The following SGSM1 variants were observed in gnomAD, a reference collection of about 807,000 sequenced individuals.
SGSM1 encodes the protein small G protein signaling modulator 1, also known as RUN and TBC1 domain containing 2.
SGSM1 carries 73 observed loss-of-function variants against 133.8 expected under a neutral mutation model. The observed-to-expected ratio is 0.55, with a 90% CI of 0.45 to 0.66. The LOEUF is 0.66. Among genes scored for constraint, SGSM1 ranks in the 30% least tolerant of loss-of-function variants. The pLI is 0.00. For missense variants in SGSM1, 1,213 were observed against 1,448.1 expected, an observed-to-expected ratio of 0.84 and a Z score of 2.64; for synonymous variants, 563 against 573.0, an observed-to-expected ratio of 0.98 and a Z score of 0.25.
At chr22:24,829,580 C>T (rs375543042) in intron 2 of SGSM1, among the ~76,000 whole-genome samples, 218 of 152,286 alleles carry the variant, frequency 1.4e-3, no homozygotes, top group African/African-American at 4.7e-3. Context: ...CTTAATCATT[C>T]GGTTCAAAAC....
At chr22:24,898,993 T>C (rs184468129) in intron 19 of SGSM1, among the ~76,000 whole-genome samples, 107 of 123,808 alleles carry the variant, frequency 8.6e-4, no homozygotes, top group Middle Eastern at 8.3e-3. Context: ...CACCACTGCA[T>C]TCCAGCCTGG....
intron 9 of SGSM1, among the ~76,000 whole-genome samples, 162 bp downstream of exon 9, chr22:24,860,002 G>A (rs553157928): frequency 6.6e-6 from 1 of 152,252 alleles, no homozygotes; most frequent in African/African-American, 2.4e-5. Flanking sequence ...CGCAGCTGTG[G>A]CCTCCCAGGA....
intron 2 of SGSM1, among the ~76,000 whole-genome samples, chr22:24,829,542 AG>A (rs1242188503): frequency 6.6e-6 from 1 of 152,226 alleles, no homozygotes; most frequent in Non-Finnish European, 1.5e-5. Context: ...TTTCTTTAAA[AG>A]CACATGTTCA....
chr22:24,902,029 C>A, intron 20 of SGSM1, 72 bp downstream of exon 20: 1 of 1,440,638 alleles, frequency 6.9e-7, no homozygotes, highest in South Asian at 1.3e-5. Context: ...GTAGGGGGCC[C>A]GCCTAGAAGT....
intron 15 of SGSM1, among the ~76,000 whole-genome samples, chr22:24,884,602 G>GA (rs1569162498): frequency 6.6e-6 from 1 of 152,144 alleles, no homozygotes; most frequent in African/African-American, 2.4e-5. Flanking sequence ...ACTAAAAATA[G>GA]AAAAATTAGC....
At chr22:24,808,585 A>C (rs977155575) in intron 2 of SGSM1, among the ~76,000 whole-genome samples, 1 of 152,116 alleles carries the variant, frequency 6.6e-6, no homozygotes, top group South Asian at 2.1e-4. Context: ...TTTTTAAGGC[A>C]ATGGTTGGTT....
chr22:24,874,514 G>A (rs1170498450), intron 12 of SGSM1: 1 of 1,612,890 alleles, frequency 6.2e-7, no homozygotes, highest in African/African-American at 1.3e-5. Flanking sequence ...GCCAGAGGGA[G>A]TCAGTGGGAG....
At chr22:24,907,336 C>T (rs1475876767) in intron 21 of SGSM1, among the ~76,000 whole-genome samples, 1 of 151,764 alleles carries the variant, frequency 6.6e-6, no homozygotes, top group Non-Finnish European at 1.5e-5. Context: ...GTAAACTTAA[C>T]AGAAATGCAA....
chr22:24,917,151 G>A lies in SGSM1; in HGVS notation c.2929-507G>A, dbSNP rs928957703. Reference sequence around the variant, plus strand: ...CAAGTGATCCTCTTGCCTTGGCCTCGCAAAGTGCTGAGCCACCACACCTGA... The same window carrying A: ...CAAGTGATCCTCTTGCCTTGGCCTCACAAAGTGCTGAGCCACCACACCTGA... On this transcript the variant is annotated intron_variant, in intron 22 of 24. Transcript: ENST00000400358. 3.4e-5 allele frequency among the ~76,000 whole-genome samples: 5 copies of A among 148,998 alleles called. No homozygotes were observed. The East Asian group carries it at 5.9e-4, about 18-fold the overall frequency.
chr22:24,810,094 G>T lies in SGSM1; in HGVS notation c.63+3610G>T, dbSNP rs114665562. ...AGAAAGGTGCAGATGCGGAGAAGGCGGAACATGTGGTCTTATCCCAAAAGC... is the reference window on the plus strand; with the variant it reads ...AGAAAGGTGCAGATGCGGAGAAGGCTGAACATGTGGTCTTATCCCAAAAGC... On this transcript the variant is annotated intron_variant, in intron 2 of 24. Transcript: ENST00000400358. Among the ~76,000 whole-genome samples, 539 of 152,256 alleles carry T rather than the reference G, an allele frequency of 3.5e-3. 3 individuals carry two copies. The highest frequency in any genetic ancestry group is 0.012 in the African/African-American group (486 of 41,552).
chr22:24,891,510 C>A (rs1932813735), intron 16 of SGSM1, among the ~76,000 whole-genome samples: 2 of 152,130 alleles, frequency 1.3e-5, no homozygotes, highest in Non-Finnish European at 2.9e-5. Flanking sequence ...ATTATAAGGA[C>A]CCATGCTAGT....
intron 16 of SGSM1, among the ~76,000 whole-genome samples, chr22:24,887,296 CAT>C (rs1569163881): frequency 6.6e-6 from 1 of 152,238 alleles, no homozygotes; most frequent in East Asian, 1.9e-4. Flanking sequence ...AACCACTAAT[CAT>C]ATGTTCTTCA....
chr22:24,825,965 G>A (rs998262372), intron 2 of SGSM1, among the ~76,000 whole-genome samples: 3 of 152,160 alleles, frequency 2.0e-5, no homozygotes, highest in Admixed American at 6.5e-5. Context: ...AGGAGCAGGG[G>A]ACAGCTGGCC....
intron 2 of SGSM1, among the ~76,000 whole-genome samples, chr22:24,814,532 C>T (rs573055340): frequency 2.6e-5 from 4 of 152,054 alleles, no homozygotes; most frequent in East Asian, 1.9e-4. Flanking sequence ...CAAGCTCCAC[C>T]GAGAGTGTGG....
chr22:24,806,644 C>T (rs542155729), intron 2 of SGSM1, among the ~76,000 whole-genome samples, 160 bp downstream of exon 2: 2 of 151,732 alleles, frequency 1.3e-5, no homozygotes, highest in African/African-American at 2.4e-5. Context: ...GGGCAGGAGG[C>T]GCAGCGAGGG....
chr22:24,857,975 G>A (rs1201717571), intron 8 of SGSM1, among the ~76,000 whole-genome samples: 2 of 152,068 alleles, frequency 1.3e-5, no homozygotes, highest in East Asian at 1.9e-4. Flanking sequence ...TCTCGGGGAT[G>A]TTTTTTGTTT....
At chr22:24,860,894 T>C (rs1289919095) in intron 9 of SGSM1, among the ~76,000 whole-genome samples, 1 of 62,174 alleles carries the variant, frequency 1.6e-5, no homozygotes, top group Admixed American at 2.4e-4. Context: ...AGCGAGACTG[T>C]CTTAAAAAAA....
intron 2 of SGSM1, among the ~76,000 whole-genome samples, chr22:24,824,633 G>A (rs7289918): frequency 0.26 from 39,321 of 151,808 alleles, 6,268 homozygotes; most frequent in East Asian, 0.6. Flanking sequence ...CTTCCTTTGA[G>A]CTCCACGGTG....
intron 21 of SGSM1, among the ~76,000 whole-genome samples, chr22:24,909,741 C>T (rs967833807): frequency 1.3e-5 from 2 of 152,068 alleles, no homozygotes; most frequent in African/African-American, 2.4e-5. Flanking sequence ...CAGGCGTGAG[C>T]GACCATGCCT....
Sources: allele counts gnomAD v4.1 joint callset (sites outside exome capture counted in the v4.1 genomes callset), GRCh38; gene constraint gnomAD v4.1.1; transcripts MANE v1.5; gene names NCBI Gene and HGNC (gene_info 2026-07-23, HGNC 2026-07-21).